Variants in MTCH2 observed in about 807,000 individuals in gnomAD.
MTCH2 encodes the protein mitochondrial carrier 2.
Under a neutral mutation model 50.6 loss-of-function variants are expected in MTCH2, and 25 were observed. The ratio of observed to expected loss-of-function variants is 0.49; its 90% CI spans 0.36 to 0.69. The LOEUF (loss-of-function observed/expected upper bound fraction) is 0.69, where lower values mean the gene tolerates loss of function less well. Among genes scored for constraint, MTCH2 ranks in the 30% least tolerant of loss-of-function variants. The pLI is 0.00. For synonymous variants in MTCH2, 106 were observed against 132.0 expected, an observed-to-expected ratio of 0.80 and a Z score of 1.35; for missense variants, 273 against 384.4, an observed-to-expected ratio of 0.71 and a Z score of 2.42.
chr11:47,613,000 C>G (rs1267302814), downstream of MTCH2, among the ~76,000 whole-genome samples: 1 of 152,082 alleles, frequency 6.6e-6, no homozygotes, highest in African/African-American at 2.4e-5. Context: ...AACTCCTGGG[C>G]TCAGGTTTCT....
chr11:47,635,818 G>C (rs1192681348), intron 3 of MTCH2, among the ~76,000 whole-genome samples: 1 of 151,904 alleles, frequency 6.6e-6, no homozygotes, highest in African/African-American at 2.4e-5. Flanking sequence ...AAATGGTCAT[G>C]AAAACTCTTC....
chr11:47,629,377 T>C (rs1477344617), intron 8 of MTCH2: 2 of 252,202 alleles, frequency 7.9e-6, no homozygotes. Context: ...TTGTTTTGCT[T>C]TGACTAGCTT....
Position 47,618,696 on chromosome 11 carries a change from A to C in MTCH2, c.*137T>G, listed in dbSNP as rs1340477040. The C allele has an allele frequency of 5.4e-6, 3 of 555,814 alleles. No homozygotes were observed. Among genetic ancestry groups the C allele is most frequent in the Non-Finnish European group, 8.2e-6 (3 of 364,586 alleles). The allele number at this position is 555,814 out of a possible 1,614,324, so 34.4% of individuals were successfully genotyped here. A position where few individuals can be genotyped will look rare whatever the true frequency, so the allele number is the denominator to read the frequency against. On this transcript the variant is annotated 3_prime_UTR_variant, in exon 13 of 13. Coordinates refer to ENST00000302503, the MANE Select transcript of MTCH2 (RefSeq NM_014342.4). Reference sequence around the variant, plus strand: ...TGCTGGAAAAAAGAACAAAAAAGGCAGACACCAAACACCTGAATTTTCCCA... The same window carrying C: ...TGCTGGAAAAAAGAACAAAAAAGGCCGACACCAAACACCTGAATTTTCCCA...
At chr11:47,616,322 C>T (rs2097288378), downstream of MTCH2, among the ~76,000 whole-genome samples, 1 of 152,066 alleles carries the variant, frequency 6.6e-6, no homozygotes, top group African/African-American at 2.4e-5. Flanking sequence ...AAAGGAAAAC[C>T]AGTTTCACAA....
chr11:47,626,621 C>CT (rs1048130628), intron 10 of MTCH2, among the ~76,000 whole-genome samples: 10 of 150,842 alleles, frequency 6.6e-5, no homozygotes, highest in East Asian at 1.9e-4. Flanking sequence ...GTTATTCTCT[C>CT]TTTTTTTTTG....
chr11:47,604,835 G>T, the MTCH2 span, among the ~76,000 whole-genome samples: 3 of 152,192 alleles, frequency 2.0e-5, no homozygotes, highest in East Asian at 3.8e-4. Context: ...GCATGCATTT[G>T]CTTATGTGTA....
intron 7 of MTCH2, 78 bp from the exon 8 acceptor site, chr11:47,630,692 T>C (rs1273158584): frequency 3.8e-5 from 51 of 1,342,830 alleles, no homozygotes; most frequent in African/African-American, 7.3e-5. Flanking sequence ...AATTATCACA[T>C]TGGACAAGGT....
chr11:47,637,453 CCTCA>C lies in MTCH2; in HGVS notation c.279+1242_279+1245del, dbSNP rs1373429788. On this transcript the variant is annotated intron_variant, in intron 3 of 12. Coordinates refer to ENST00000302503, the MANE Select transcript of MTCH2 (RefSeq NM_014342.4). ...TATTAAGACTGAAGAGCTGAAATCG[CCTCA>C]CTTTCTCCTTTGTATCTGATGGTTT... 2.6e-5 allele frequency among the ~76,000 whole-genome samples: 4 copies of C among 152,098 alleles called. No homozygotes were observed. The East Asian group carries it at 7.7e-4, about 29-fold the overall frequency.
At chr11:47,635,124 C>T (rs928629847) in intron 4 of MTCH2, among the ~76,000 whole-genome samples, 4 of 151,836 alleles carry the variant, frequency 2.6e-5, no homozygotes, top group African/African-American at 9.7e-5. Flanking sequence ...CTGTCACTCA[C>T]GCGGAGTGCA....
At chr11:47,604,939 GT>G in the MTCH2 span, among the ~76,000 whole-genome samples, 1 of 149,380 alleles carries the variant, frequency 6.7e-6, no homozygotes, top group African/African-American at 2.5e-5. Context: ...TGTTTTTTTT[GT>G]TTTTTTTTGA....
Position 47,642,382 on chromosome 11 carries a change from G to C in MTCH2, c.84C>G (p.Ile28Met). The C allele has an allele frequency of 1.2e-6, 2 of 1,603,996 alleles. No homozygotes were observed. Among genetic ancestry groups the C allele is most frequent in the Non-Finnish European group, 1.7e-6 (2 of 1,175,884 alleles). ...AGGGAGCGGCGACGCCTCATACCTG[G>C]ATGAGCACTTTCACGTACATGAGCG... ...SQPLMYVKVL[I>M]QVGYEPLPPT... The change falls in exon 1 of 13, where the codon ATC becomes ATG. Residue 28 changes from isoleucine (I) to methionine (M), a missense_variant. Physicochemically the swap from Ile to Met is conservative, Grantham distance 10. This residue lies in a region of MTCH2 where 203 missense variants were observed against 244.3 expected (regional missense o/e 0.83). Coordinates refer to ENST00000302503, the MANE Select transcript of MTCH2 (RefSeq NM_014342.4).
At chr11:47,642,302 A>G in intron 1 of MTCH2, 77 bp downstream of exon 1, 1 of 1,288,378 alleles carries the variant, frequency 7.8e-7, no homozygotes, top group Non-Finnish European at 1.1e-6. Context: ...CGCAAGGCTG[A>G]GCCGATCCTC....
rs761296820 is a variant in MTCH2 at position 47,628,927 on chromosome 11, C to G, written c.633+26G>C. 8 of 1,592,680 alleles carry G rather than the reference C, an allele frequency of 5.0e-6. No individual in the cohort carries two copies. In the Admixed American group the frequency reaches 1.2e-4, roughly 23 times the overall value. On this transcript the variant is annotated intron_variant, in intron 9 of 12. Transcript: ENST00000302503. ...GCTGCCAGATTAAAGCCAAGGTGAGCACATCTCACGAAGGTCACAACCTAC... is the reference window on the plus strand; with the variant it reads ...GCTGCCAGATTAAAGCCAAGGTGAGGACATCTCACGAAGGTCACAACCTAC...
chr11:47,635,142 G>C (rs2097307389), intron 4 of MTCH2, among the ~76,000 whole-genome samples: 1 of 151,946 alleles, frequency 6.6e-6, no homozygotes, highest in Admixed American at 6.6e-5. Flanking sequence ...GCAGTGATGT[G>C]ATCATGGATC....
chr11:47,634,769 A>AAT, intron 4 of MTCH2, 35 bp from the exon 5 acceptor site: 2 of 739,352 alleles, frequency 2.7e-6, no homozygotes, highest in Non-Finnish European at 1.9e-6. Context: ...AGAGATCTTG[A>AAT]TTTTTTTTTT....
chr11:47,625,620 G>A (rs1478156729), intron 11 of MTCH2, 54 bp downstream of exon 11: 29 of 1,074,466 alleles, frequency 2.7e-5, no homozygotes, highest in Middle Eastern at 4.5e-4. Flanking sequence ...AGGCTGCTCC[G>A]CCTGTCAGCA....
At chr11:47,611,298 G>A in the MTCH2 span, among the ~76,000 whole-genome samples, 1 of 152,248 alleles carries the variant, frequency 6.6e-6, no homozygotes, top group Admixed American at 6.5e-5. Flanking sequence ...CAAAAAGTGA[G>A]CAGTCTGAGG....
intron 10 of MTCH2, among the ~76,000 whole-genome samples, chr11:47,626,320 G>A (rs1011618001): frequency 4.7e-5 from 7 of 149,312 alleles, no homozygotes; most frequent in Admixed American, 6.7e-5. Context: ...GAGCCACCGC[G>A]CCTGCCCCAG....
chr11:47,638,721 A>G lies in MTCH2; in HGVS notation c.257T>C (p.Val86Ala). The G allele has an allele frequency of 1.2e-6, 2 of 1,614,116 alleles. No homozygotes were observed. Among genetic ancestry groups the G allele is most frequent in the South Asian group, 1.1e-5 (1 of 91,072 alleles). The change falls in exon 3 of 13, where the codon GTG becomes GCG. Residue 86 changes from valine to alanine, a missense_variant. Val to Ala is a moderately conservative substitution (Grantham distance 64). Around this residue, in one of 2 missense-constraint regions of MTCH2, gnomAD observed 203 missense variants for 244.3 expected, o/e 0.83. Coordinates refer to ENST00000302503, the MANE Select transcript of MTCH2 (RefSeq NM_014342.4). Reference protein sequence around the residue: ...PRLCSGVLGTVVHGKVLQHYQ... With the variant: ...PRLCSGVLGTAVHGKVLQHYQ... ...TACCTGTAAAACTTTACCATGGACC[A>G]CAGTTCCAAGGACTCCCGAACACAG...
Sources: gnomAD v4.1 joint callset for allele counts (sites outside exome capture counted in the v4.1 genomes callset) on GRCh38, gnomAD v4.1.1 for gene constraint, gnomAD v4.1.1 regional missense constraint, MANE v1.5 for transcripts, NCBI Gene and HGNC (gene_info 2026-07-23, HGNC 2026-07-21) for gene names.